CFAP54: variants seen among roughly 807,000 people sequenced by gnomAD.
CFAP54 encodes the protein cilia- and flagella-associated protein 54.
CFAP54 carries 290 observed loss-of-function variants against 370.4 expected under a neutral mutation model. The observed-to-expected ratio is 0.78, with a 90% CI of 0.71 to 0.86. CFAP54 has a LOEUF of 0.86. Among genes scored for constraint, CFAP54 ranks in the 40% least tolerant of loss-of-function variants. The pLI is 0.00. For missense variants in CFAP54, 3,399 were observed against 3,528.7 expected, an observed-to-expected ratio of 0.96 and a Z score of 0.93; for synonymous variants, 1,206 against 1,236.5, an observed-to-expected ratio of 0.98 and a Z score of 0.52.
chr12:96,567,371 T>C (rs1450767082), intron 19 of CFAP54, among the ~76,000 whole-genome samples: 3 of 152,158 alleles, frequency 2.0e-5, no homozygotes, highest in Non-Finnish European at 4.4e-5. Context: ...ACAGATGCTA[T>C]CAATGTTCAA....
In CFAP54 at chr12:96,753,758, A is replaced by G; in HGVS notation, c.7700A>G (p.Lys2567Arg). The G allele has an allele frequency of 6.2e-7, 1 of 1,613,812 alleles. No homozygotes were observed. Among genetic ancestry groups the G allele is most frequent in the East Asian group, 2.2e-5 (1 of 44,856 alleles). Residue 2567 changes from lysine (K) to arginine (R), a missense_variant, in exon 56 of 68, where the codon AAG (lysine) becomes AGG (arginine). This residue lies in a region of CFAP54 where 2,796 missense variants were observed against 2,869.7 expected (regional missense o/e 0.97). Coordinates refer to ENST00000524981, the MANE Select transcript of CFAP54 (RefSeq NM_001306084.2). ...TTTCTTTTAGGACATACAGTGGCCA[A>G]GCAAGTATATTACAAGAATAAAAGG... ...IKMRIGHTVA[K>R]QVYYKNKRKD...
intron 19 of CFAP54, among the ~76,000 whole-genome samples, chr12:96,566,024 T>C (rs936967706): frequency 1.3e-5 from 2 of 152,158 alleles, no homozygotes; most frequent in African/African-American, 4.8e-5. Flanking sequence ...GCACTCATTC[T>C]CTCTCCTGCT....
chr12:96,801,997 G>A (rs1228445445), intron 63 of CFAP54, among the ~76,000 whole-genome samples: 1 of 152,088 alleles, frequency 6.6e-6, no homozygotes, highest in African/African-American at 2.4e-5. Context: ...ACTTCCTACA[G>A]CTTCTTGCTC....
At chr12:96,663,714 C>A (rs1356657601) in intron 38 of CFAP54, 116 bp from the exon 39 acceptor site, 1 of 675,074 alleles carries the variant, frequency 1.5e-6, no homozygotes, top group South Asian at 2.1e-5. Context: ...TTTTTTGTAG[C>A]ATTGTTATGT....
intron 25 of CFAP54, among the ~76,000 whole-genome samples, chr12:96,597,602 A>G (rs1223525066): frequency 6.6e-6 from 1 of 151,856 alleles, no homozygotes; most frequent in Non-Finnish European, 1.5e-5. Flanking sequence ...ACACCAAATA[A>G]TATTATGCAG....
intron 42 of CFAP54, among the ~76,000 whole-genome samples, chr12:96,685,463 C>T (rs147724101): frequency 2.4e-4 from 36 of 152,290 alleles, no homozygotes; most frequent in Non-Finnish European, 4.6e-4. Context: ...CAGTGTCACC[C>T]GGGCCCAGGT....
chr12:96,508,631 A>G (rs903743200), intron 4 of CFAP54, among the ~76,000 whole-genome samples: 4 of 146,058 alleles, frequency 2.7e-5, no homozygotes, highest in African/African-American at 1.0e-4. Context: ...TGTATCCTTG[A>G]TATCTTTTTC....
chr12:96,561,939 A>T (rs141626337), intron 17 of CFAP54, among the ~76,000 whole-genome samples: 6,990 of 151,590 alleles, frequency 0.046, 235 homozygotes, highest in Non-Finnish European at 0.074. Flanking sequence ...GCATGTGCCA[A>T]CATGCCCGGC....
chr12:96,709,372 T>C (rs1389197044), intron 48 of CFAP54, among the ~76,000 whole-genome samples: 2 of 152,224 alleles, frequency 1.3e-5, no homozygotes, highest in South Asian at 2.1e-4. Flanking sequence ...ATATAACCCA[T>C]GGATGGGATT....
At chr12:96,731,898 C>T (rs1459420854) in intron 50 of CFAP54, among the ~76,000 whole-genome samples, 2 of 152,048 alleles carry the variant, frequency 1.3e-5, no homozygotes, top group Non-Finnish European at 2.9e-5. Context: ...GATCACTTGT[C>T]ACATGATAAT....
chr12:96,529,988 A>C (rs896747788), intron 9 of CFAP54, among the ~76,000 whole-genome samples: 3 of 152,168 alleles, frequency 2.0e-5, no homozygotes, highest in Non-Finnish European at 4.4e-5. Flanking sequence ...CTATAATTAG[A>C]AATTAGATCT....
chr12:96,750,724 T>C (rs990578215), intron 55 of CFAP54, among the ~76,000 whole-genome samples: 3 of 152,234 alleles, frequency 2.0e-5, no homozygotes, highest in Non-Finnish European at 4.4e-5. Context: ...GACTTACTAA[T>C]CTTGAGGATG....
intron 66 of CFAP54, among the ~76,000 whole-genome samples, chr12:96,856,475 T>G (rs1592814163): frequency 6.6e-6 from 1 of 152,296 alleles, no homozygotes; most frequent in East Asian, 1.9e-4. Context: ...CTTAATTATC[T>G]CTCTGAAGTT....
At chr12:96,755,940 A>T (rs993937746) in intron 56 of CFAP54, among the ~76,000 whole-genome samples, 3 of 147,610 alleles carry the variant, frequency 2.0e-5, no homozygotes, top group Non-Finnish European at 3.1e-5. Context: ...TGCTGGGATT[A>T]CAAGCGTGAG....
chr12:96,807,934 C>T lies in CFAP54; in HGVS notation c.8851-3802C>T, dbSNP rs1055373293. On this transcript the variant is annotated intron_variant, in intron 63 of 67. Transcript: ENST00000524981. ...ATAGGGATTACACATCTCCATTTCA[C>T]AAGTGAAGAAGCCAGAGGCATGAAT... is the stretch of plus-strand genomic sequence containing the variant. Among the ~76,000 whole-genome samples the T allele has an allele frequency of 2.4e-4, 36 of 152,174 alleles. 1 individual carries two copies.
At chr12:96,504,645 G>T (rs1955071000) in intron 3 of CFAP54, among the ~76,000 whole-genome samples, 1 of 152,132 alleles carries the variant, frequency 6.6e-6, no homozygotes, top group Non-Finnish European at 1.5e-5. Flanking sequence ...GGCAGGGTTG[G>T]TGTTTGAACC....
intron 25 of CFAP54, 21 bp from the exon 26 acceptor site, chr12:96,598,624 C>A: frequency 1.7e-6 from 1 of 589,888 alleles, no homozygotes; most frequent in South Asian, 2.2e-5. Context: ...AAACAAAAAT[C>A]ATTGTGATTC....
At chr12:96,510,000 C>T (rs777972323) in intron 4 of CFAP54, among the ~76,000 whole-genome samples, 4 of 151,670 alleles carry the variant, frequency 2.6e-5, no homozygotes, top group Non-Finnish European at 4.4e-5. Context: ...GAAACAGGCC[C>T]GGCATGGTGG....
chr12:96,691,317 A>G lies in CFAP54; in HGVS notation c.6264+7A>G. On this transcript the variant is annotated splice_region_variant and intron_variant, in intron 44 of 67. Coordinates refer to ENST00000524981, the MANE Select transcript of CFAP54 (RefSeq NM_001306084.2). Reference sequence around the variant, plus strand: ...TGTTAGGCAAAACCTAATAGTAAGTAATTTGTAAAATAAAAATTATATATC... The same window carrying G: ...TGTTAGGCAAAACCTAATAGTAAGTGATTTGTAAAATAAAAATTATATATC... The G allele has an allele frequency of 6.4e-7, 1 of 1,559,372 alleles. No homozygotes were observed. The highest frequency in any genetic ancestry group is 8.7e-7 in the Non-Finnish European group (1 of 1,154,998).
Sources: allele counts gnomAD v4.1 joint callset (sites outside exome capture counted in the v4.1 genomes callset), GRCh38; gene constraint gnomAD v4.1.1; regional missense constraint gnomAD v4.1.1; transcripts MANE v1.5; gene names NCBI Gene and HGNC (gene_info 2026-07-23, HGNC 2026-07-21).